Variants in LINGO2 observed in about 807,000 individuals in gnomAD.
LINGO2 encodes leucine rich repeat and Ig domain containing 2, also known as leucine-rich repeat and immunoglobulin-like domain-containing nogo receptor-interacting protein 2.
In LINGO2, 14 loss-of-function variants were observed where a neutral mutation model predicts 30.6. The observed-to-expected ratio is 0.46, with a 90% CI of 0.30 to 0.72. The LOEUF is 0.72. Among genes scored for constraint, LINGO2 ranks in the 30% least tolerant of loss-of-function variants. The pLI is 0.07. For synonymous variants in LINGO2, 317 were observed against 288.5 expected (o/e 1.10, Z -1.00); for missense variants, 729 against 751.7 (o/e 0.97, Z 0.35).
At chr9:28,639,836 G>T (rs1486691644) in intron 1 of LINGO2, among the ~76,000 whole-genome samples, 1 of 151,952 alleles carries the variant, frequency 6.6e-6, no homozygotes, top group Non-Finnish European at 1.5e-5. Flanking sequence ...GGTTAATATG[G>T]TTATGTGTGA....
intron 1 of LINGO2, among the ~76,000 whole-genome samples, chr9:28,612,957 G>T (rs1368366368): frequency 2.0e-5 from 3 of 152,048 alleles, no homozygotes; most frequent in Non-Finnish European, 4.4e-5. Flanking sequence ...ATGGAATCAT[G>T]GGGTGGTTTC....
At chr9:28,225,888 T>G (rs909976468) in intron 4 of LINGO2, among the ~76,000 whole-genome samples, 1 of 152,118 alleles carries the variant, frequency 6.6e-6, no homozygotes, top group Non-Finnish European at 1.5e-5. Flanking sequence ...AATGGCCATT[T>G]TGAATTTCAA....
At position 28,047,830 on chromosome 9, in the gene LINGO2, CAGA is replaced by C. The variant is rs1388788386; in HGVS notation, c.-86-35428_-86-35426del. ...TTTTTTACAGAAACCTATAAATCTT[CAGA>C]AGAATAAAGGTAGGTATAATTTTTG... On this transcript the variant is annotated intron_variant, in intron 4 of 5. Transcript: ENST00000379992. Among the ~76,000 whole-genome samples the C allele has an allele frequency of 2.9e-4, 43 of 150,448 alleles. 2 individuals carry two copies. In the South Asian group the frequency reaches 5.3e-3, roughly 19 times the overall value.
chr9:28,950,058 G>A, the LINGO2 span, among the ~76,000 whole-genome samples: 1 of 151,936 alleles, frequency 6.6e-6, no homozygotes, highest in Middle Eastern at 3.4e-3. Flanking sequence ...AAACAAGTTG[G>A]CTTCATCCCT....
At chr9:29,079,865 T>C in the LINGO2 span, among the ~76,000 whole-genome samples, 1 of 144,624 alleles carries the variant, frequency 6.9e-6, no homozygotes, top group East Asian at 2.0e-4. Context: ...TCTTTATGTA[T>C]TTCATAATAA....
At position 28,349,085 on chromosome 9, in the gene LINGO2, A is replaced by G. The variant is rs573448368; in HGVS notation, c.-246+23751T>C. On this transcript the variant is annotated intron_variant, in intron 3 of 5. Transcript: ENST00000379992. ...AGAAAAACTGGAAACTCTAAAAAGC[A>G]GAGCGCCTCTCCTCCTCCAAAGGAA... Among the ~76,000 whole-genome samples, 27 of 152,264 alleles carry G rather than the reference A, an allele frequency of 1.8e-4. No homozygotes were observed. The South Asian group carries it at 5.4e-3, about 30-fold the overall frequency.
intron 4 of LINGO2, among the ~76,000 whole-genome samples, chr9:28,154,621 A>G (rs1828085662): frequency 6.6e-6 from 1 of 152,278 alleles, no homozygotes; most frequent in Admixed American, 6.5e-5. Flanking sequence ...CGAAGAGAAA[A>G]CTTCTGTGCT....
At chr9:29,005,814 C>A in the LINGO2 span, among the ~76,000 whole-genome samples, 1 of 152,082 alleles carries the variant, frequency 6.6e-6, no homozygotes, top group East Asian at 1.9e-4. Flanking sequence ...GCTGTTCAAA[C>A]CCATGTTGTT....
intron 1 of LINGO2, among the ~76,000 whole-genome samples, chr9:28,656,721 T>A (rs1398896236): frequency 3.9e-5 from 6 of 152,094 alleles, no homozygotes; most frequent in African/African-American, 1.2e-4. Context: ...TCTACGCAGT[T>A]TTAAAATACA....
chr9:27,991,855 C>T (rs770770659), intron 5 of LINGO2, among the ~76,000 whole-genome samples: 1 of 152,016 alleles, frequency 6.6e-6, no homozygotes, highest in Non-Finnish European at 1.5e-5. Flanking sequence ...TTATATGTTT[C>T]AGTACCTGTC....
chr9:28,445,172 T>C (rs1292967571), intron 2 of LINGO2, among the ~76,000 whole-genome samples: 3 of 152,226 alleles, frequency 2.0e-5, no homozygotes, highest in East Asian at 3.8e-4. Flanking sequence ...ACATGCTACA[T>C]TTTATCCTTT....
intron 4 of LINGO2, among the ~76,000 whole-genome samples, chr9:28,030,915 C>G (rs534078416): frequency 2.0e-5 from 3 of 152,128 alleles, no homozygotes; most frequent in Non-Finnish European, 4.4e-5. Context: ...ATACCATTGA[C>G]AAATTGCTGA....
At chr9:28,858,916 CT>C in the LINGO2 span, among the ~76,000 whole-genome samples, 1 of 152,022 alleles carries the variant, frequency 6.6e-6, no homozygotes, top group Non-Finnish European at 1.5e-5. Context: ...GAAATTTCCC[CT>C]TGCGTGTTGC....
At chr9:28,075,219 T>C (rs1563959812) in intron 4 of LINGO2, among the ~76,000 whole-genome samples, 1 of 152,010 alleles carries the variant, frequency 6.6e-6, no homozygotes, top group Non-Finnish European at 1.5e-5. Flanking sequence ...TATCAAAGCA[T>C]AGGTATTATT....
At chr9:28,835,436 C>A in the LINGO2 span, among the ~76,000 whole-genome samples, 1 of 152,250 alleles carries the variant, frequency 6.6e-6, no homozygotes, top group East Asian at 1.9e-4. Context: ...GCCTCAAAAG[C>A]TCTCTTCACC....
chr9:28,754,050 A>ACACACAC, the LINGO2 span, among the ~76,000 whole-genome samples: 2 of 141,656 alleles, frequency 1.4e-5, no homozygotes, highest in African/African-American at 5.1e-5. Flanking sequence ...ACACACACAC[A>ACACACAC]ATGTTAATAA....
chr9:28,495,842 G>C (rs558432361), intron 1 of LINGO2, among the ~76,000 whole-genome samples: 1 of 152,274 alleles, frequency 6.6e-6, no homozygotes, highest in South Asian at 2.1e-4. Flanking sequence ...GTGTCCCAGA[G>C]ATTCTGGTAT....
chr9:27,977,439 T>C (rs1820652805), intron 5 of LINGO2, among the ~76,000 whole-genome samples: 1 of 151,794 alleles, frequency 6.6e-6, no homozygotes, highest in Admixed American at 6.6e-5. Flanking sequence ...CTTACCCTTA[T>C]TGCCTCAAAA....
chr9:28,794,160 C>G, the LINGO2 span, among the ~76,000 whole-genome samples: 9 of 152,190 alleles, frequency 5.9e-5, no homozygotes, highest in African/African-American at 2.2e-4. Flanking sequence ...GAAAATTAGC[C>G]GGGCGTGGCG....
Sources: gnomAD v4.1 joint callset for allele counts (sites outside exome capture counted in the v4.1 genomes callset) on GRCh38, gnomAD v4.1.1 for gene constraint, MANE v1.5 for transcripts, NCBI Gene and HGNC (gene_info 2026-07-23, HGNC 2026-07-21) for gene names.